PCBP2: variants seen among roughly 807,000 people sequenced by gnomAD.
PCBP2 encodes poly(rC) binding protein 2.
PCBP2 carries 4 observed loss-of-function variants against 50.1 expected under a neutral mutation model. That is an observed-to-expected ratio of 0.08 (90% CI 0.04 to 0.18). PCBP2 has a LOEUF of 0.18. Ranked by LOEUF, PCBP2 falls within the 10% of genes least tolerant of loss-of-function variation. The pLI is 1.00. For missense variants in PCBP2, 161 were observed against 474.3 expected (o/e 0.34, Z 6.14); for synonymous variants, 179 against 168.0 (o/e 1.07, Z -0.51).
chr12:53,454,458 A>G, intron 1 of PCBP2: 1 of 246,448 alleles, frequency 4.1e-6, no homozygotes. Context: ...CCTTAGAACC[A>G]TTGCCAATTG....
intron 8 of PCBP2, among the ~76,000 whole-genome samples, chr12:53,463,054 C>A (rs1191554851): frequency 6.6e-6 from 1 of 152,160 alleles, no homozygotes; most frequent in African/African-American, 2.4e-5. Context: ...AGTGTGTTGT[C>A]CCCTAGGCTC....
Position 53,467,952 on chromosome 12 carries a change from G to T in PCBP2, c.826+109G>T, listed in dbSNP as rs574245595. The T allele has an allele frequency of 3.5e-5, 30 of 866,430 alleles. No homozygotes were observed. In the East Asian group the frequency reaches 7.3e-4, roughly 21 times the overall value. 53.7% of individuals were successfully genotyped at this position (866,430 alleles called of 1,614,324 possible). On this transcript the variant is annotated intron_variant, in intron 12 of 14. Coordinates refer to ENST00000546463, the MANE Select transcript of PCBP2 (RefSeq NM_031989.5). The stretch of plus-strand genomic sequence containing the variant: ...CCATACCAGCAACATGCACATGGCA[G>T]AGAGGAGCTGAGAGAGCAAAGGGGT...
rs894891212 is a variant in PCBP2, at chr12:53,481,099, T to G, written c.*1657T>G. ...GGGACAGCCCCATCTTTCTGTTGAT[T>G]ATGTGGCGCATATATATATATATAT... On this transcript the variant is annotated 3_prime_UTR_variant, in exon 15 of 15. Coordinates refer to ENST00000546463, the MANE Select transcript of PCBP2 (RefSeq NM_031989.5). The G allele has an allele frequency of 7.8e-5, 46 of 591,068 alleles. No homozygotes were observed. The highest frequency in any genetic ancestry group is 1.0e-4 in the Non-Finnish European group (44 of 436,622). 36.6% of individuals were successfully genotyped at this position (591,068 alleles called of 1,614,324 possible). A position where few individuals can be genotyped will look rare whatever the true frequency, so the allele number is the denominator to read the frequency against.
At chr12:53,474,840 T>C in intron 14 of PCBP2, 1 of 370,882 alleles carries the variant, frequency 2.7e-6, no homozygotes, top group South Asian at 2.0e-5. Flanking sequence ...CCCACCCTTT[T>C]TTTTTGTTCC....
At chr12:53,467,497 A>G in intron 11 of PCBP2, 1 of 635,876 alleles carries the variant, frequency 1.6e-6, no homozygotes, top group South Asian at 1.8e-5. Flanking sequence ...TTCTAAAAGA[A>G]AAAAAAAGCC....
At chr12:53,460,453 C>G (rs1329839410) in intron 6 of PCBP2, 1 of 270,072 alleles carries the variant, frequency 3.7e-6, no homozygotes, top group Non-Finnish European at 7.7e-6. Context: ...GCCCCTACTT[C>G]CTGTTTAACT....
chr12:53,455,216 C>G (rs903136614), intron 2 of PCBP2, 131 bp from the exon 3 acceptor site: 9 of 827,526 alleles, frequency 1.1e-5, no homozygotes, highest in Middle Eastern at 3.6e-4. Context: ...AGTCTGTTGG[C>G]TAGACAGTTA....
At position 53,479,321 on chromosome 12, in the gene PCBP2, A is replaced by C; in HGVS notation, c.1053-85A>C. On this transcript the variant is annotated intron_variant, in intron 14 of 14. Transcript: ENST00000546463. Reference sequence around the variant, plus strand: ...CTTGGTACTCCAGCACTGGTTATTTACTCTTCACATTTCATGAACCAGGTA... The same window carrying C: ...CTTGGTACTCCAGCACTGGTTATTTCCTCTTCACATTTCATGAACCAGGTA... The C allele has an allele frequency of 2.5e-6, 3 of 1,189,836 alleles. No homozygotes were observed. In the Admixed American group the frequency reaches 5.1e-5, roughly 20 times the overall value. The allele number at this position is 1,189,836 out of a possible 1,614,324, so 73.7% of individuals were successfully genotyped here. A position where few individuals can be genotyped will look rare whatever the true frequency, so the allele number is the denominator to read the frequency against.
At chr12:53,469,117 G>A (rs1942018946) in intron 13 of PCBP2, among the ~76,000 whole-genome samples, 1 of 151,530 alleles carries the variant, frequency 6.6e-6, no homozygotes, top group Admixed American at 6.6e-5. Flanking sequence ...GGTCAGGCTG[G>A]TCTCAAACTC....
chr12:53,470,139 C>T (rs367596617), intron 13 of PCBP2, among the ~76,000 whole-genome samples: 4 of 151,968 alleles, frequency 2.6e-5, no homozygotes, highest in African/African-American at 9.6e-5. Flanking sequence ...AATCCCAGCA[C>T]TTGTGGGAGG....
intron 14 of PCBP2, among the ~76,000 whole-genome samples, chr12:53,474,452 TGTG>T (rs1334132330): frequency 2.0e-5 from 3 of 152,250 alleles, no homozygotes; most frequent in Non-Finnish European, 4.4e-5. Flanking sequence ...CACAAGTAAT[TGTG>T]GGATAATTGA....
intron 13 of PCBP2, among the ~76,000 whole-genome samples, chr12:53,470,682 G>A (rs1159461983): frequency 1.3e-5 from 2 of 151,472 alleles, no homozygotes; most frequent in South Asian, 2.1e-4. Flanking sequence ...CCACCATAGT[G>A]TAGTGGTTCA....
chr12:53,452,238 C>T lies in PCBP2; in HGVS notation c.-214C>T, dbSNP rs1940578606. 1 of 129,208 alleles carries T rather than the reference C, an allele frequency of 7.7e-6. No homozygotes were observed. The highest frequency in any genetic ancestry group is 1.7e-5 in the Non-Finnish European group (1 of 59,342). The allele number at this position is 129,208 out of a possible 1,614,324, so 8.0% of individuals were successfully genotyped here. On this transcript the variant is annotated 5_prime_UTR_variant, in exon 1 of 15. Coordinates refer to ENST00000546463, the MANE Select transcript of PCBP2 (RefSeq NM_031989.5). ...TCTTTCCCCCTTCCTCCTCCTCCTC[C>T]TCCACCCCCCCTTCCTCCTCCGCCC... is the stretch of plus-strand genomic sequence containing the variant.
chr12:53,475,937 G>C (rs567917967), intron 14 of PCBP2: 1 of 152,148 alleles, frequency 6.6e-6, no homozygotes, highest in Non-Finnish European at 1.5e-5. Context: ...GGATTCCTCT[G>C]GTGAATGGTT....
intron 8 of PCBP2, among the ~76,000 whole-genome samples, chr12:53,463,811 A>T (rs1200921281): frequency 6.6e-6 from 1 of 152,218 alleles, no homozygotes; most frequent in Non-Finnish European, 1.5e-5. Context: ...AAGCATATTT[A>T]GTTAACTAGT....
chr12:53,474,310 G>T (rs761189988), intron 14 of PCBP2, among the ~76,000 whole-genome samples: 23 of 152,190 alleles, frequency 1.5e-4, no homozygotes, highest in Non-Finnish European at 3.1e-4. Context: ...TTTGAAATTA[G>T]TCAGTGACCT....
intron 14 of PCBP2, among the ~76,000 whole-genome samples, chr12:53,473,451 G>A (rs1592681815): frequency 6.6e-6 from 1 of 152,326 alleles, no homozygotes; most frequent in Non-Finnish European, 1.5e-5. Flanking sequence ...CAAGAATCAG[G>A]TTTTTGAAAG....
chr12:53,462,635 A>G, intron 8 of PCBP2, 68 bp downstream of exon 8: 1 of 1,335,078 alleles, frequency 7.5e-7, no homozygotes, highest in Non-Finnish European at 1.1e-6. Context: ...CTTTGCCAGC[A>G]TCACACCAAG....
At chr12:53,455,796 A>G (rs1940965517) in intron 4 of PCBP2, 89 bp from the exon 5 acceptor site, 2 of 866,792 alleles carry the variant, frequency 2.3e-6, no homozygotes, top group South Asian at 1.5e-5. Flanking sequence ...AGGATCATGT[A>G]CATTGGCAGT....
Sources: gnomAD v4.1 joint callset for allele counts (sites outside exome capture counted in the v4.1 genomes callset) on GRCh38, gnomAD v4.1.1 for gene constraint, MANE v1.5 for transcripts, NCBI Gene and HGNC (gene_info 2026-07-23, HGNC 2026-07-21) for gene names.